Variants in PLPP3 observed in about 807,000 individuals in gnomAD.
PLPP3 encodes PAP2 beta.
Under a neutral mutation model 29.6 loss-of-function variants are expected in PLPP3, and 6 were observed. The observed-to-expected ratio is 0.20, with a 90% CI of 0.11 to 0.40. The LOEUF is 0.40. Among genes scored for constraint, PLPP3 ranks in the 10% least tolerant of loss-of-function variants. PLPP3 has a pLI of 1.00. For synonymous variants in PLPP3, 152 were observed against 159.7 expected, an observed-to-expected ratio of 0.95 and a Z score of 0.36; for missense variants, 308 against 407.7, an observed-to-expected ratio of 0.76 and a Z score of 2.11.
chr1:56,501,123 C>G (rs953771435), intron 5 of PLPP3, among the ~76,000 whole-genome samples: 6 of 151,282 alleles, frequency 4.0e-5, no homozygotes, highest in African/African-American at 1.2e-4. Context: ...AGGATGAGTC[C>G]TGAACAACAC....
chr1:56,549,449 C>T lies in PLPP3; in HGVS notation c.140-12337G>A, dbSNP rs4912377. Among the ~76,000 whole-genome samples the T allele has an allele frequency of 3.9e-5, 6 of 152,088 alleles. No individual in the cohort carries two copies. In the South Asian group the frequency reaches 8.3e-4, roughly 21 times the overall value. ...TGCCACCAACTACCAGTTTGATCAC[C>T]GGATCACACTTCCTCATCTGCTCTC... On this transcript the variant is annotated intron_variant, in intron 1 of 5. Coordinates refer to ENST00000371250, the MANE Select transcript of PLPP3 (RefSeq NM_003713.5).
chr1:56,496,433 TAAAAATCAGTCGGGC>T lies in PLPP3; in HGVS notation c.*103_*117del. The T allele has an allele frequency of 7.6e-7, 1 of 1,322,566 alleles. No individual in the cohort carries two copies. 81.9% of individuals were successfully genotyped at this position (1,322,566 alleles called of 1,614,324 possible). A position where few individuals can be genotyped will look rare whatever the true frequency, so the allele number is the denominator to read the frequency against. ...AGTAAAACATTTTTTTTTTCCTTTT[TAAAAATCAGTCGGGC>T]AAAAGTTTTTCCCTACATTCTACTG... On this transcript the variant is annotated 3_prime_UTR_variant, in exon 6 of 6. Transcript: ENST00000371250.
At chr1:56,571,493 T>C (rs1020074188) in intron 1 of PLPP3, among the ~76,000 whole-genome samples, 17 of 152,214 alleles carry the variant, frequency 1.1e-4, no homozygotes, top group Non-Finnish European at 2.1e-4. Context: ...AAAAGGCCTA[T>C]TTTTCTAACT....
At chr1:56,578,559 A>G (rs1646253239) in intron 1 of PLPP3, among the ~76,000 whole-genome samples, 1 of 152,176 alleles carries the variant, frequency 6.6e-6, no homozygotes, top group African/African-American at 2.4e-5. Context: ...CCCTACGCTA[A>G]AAGGACGAAC....
At chr1:56,498,045 G>T (rs1240206068) in intron 5 of PLPP3, among the ~76,000 whole-genome samples, 1 of 150,372 alleles carries the variant, frequency 6.7e-6, no homozygotes, top group African/African-American at 2.5e-5. Flanking sequence ...TTATTTTGTT[G>T]TTAAAAAAAA....
At chr1:56,501,540 T>C (rs969344049) in intron 5 of PLPP3, among the ~76,000 whole-genome samples, 1 of 152,116 alleles carries the variant, frequency 6.6e-6, no homozygotes, top group Non-Finnish European at 1.5e-5. Flanking sequence ...CTGGTAACCA[T>C]CAATCTACTT....
At chr1:56,511,700 C>A (rs914692781) in intron 5 of PLPP3, among the ~76,000 whole-genome samples, 2 of 151,992 alleles carry the variant, frequency 1.3e-5, no homozygotes, top group Non-Finnish European at 2.9e-5. Context: ...TATCTCAGCT[C>A]TCTTCCAATT....
At chr1:56,530,399 T>C (rs1312220922) in intron 2 of PLPP3, among the ~76,000 whole-genome samples, 1 of 152,204 alleles carries the variant, frequency 6.6e-6, no homozygotes, top group Non-Finnish European at 1.5e-5. Context: ...AATTCCAATC[T>C]TCTGCTAACT....
intron 1 of PLPP3, among the ~76,000 whole-genome samples, chr1:56,554,054 T>TC (rs1412464969): frequency 6.8e-6 from 1 of 147,700 alleles, no homozygotes; most frequent in Admixed American, 6.8e-5. Context: ...CTTTGGCTTT[T>TC]CCCCCCCACT....
chr1:56,523,395 T>C (rs111683413), intron 4 of PLPP3, among the ~76,000 whole-genome samples: 14 of 152,168 alleles, frequency 9.2e-5, no homozygotes, highest in Admixed American at 5.2e-4. Flanking sequence ...TTTCCCACCA[T>C]AGATTTTCAG....
intron 4 of PLPP3, among the ~76,000 whole-genome samples, chr1:56,521,145 G>A (rs1247310543): frequency 6.7e-6 from 1 of 150,148 alleles, no homozygotes; most frequent in Non-Finnish European, 1.5e-5. Context: ...TGAGGTGGAA[G>A]GATCACCTGA....
At chr1:56,507,214 A>C (rs1403028807) in intron 5 of PLPP3, among the ~76,000 whole-genome samples, 1 of 152,220 alleles carries the variant, frequency 6.6e-6, no homozygotes, top group Non-Finnish European at 1.5e-5. Context: ...TGGAACCAGC[A>C]TTCTAGGGTT....
intron 5 of PLPP3, among the ~76,000 whole-genome samples, chr1:56,498,537 A>G (rs774192221): frequency 6.6e-6 from 1 of 152,168 alleles, no homozygotes; most frequent in Non-Finnish European, 1.5e-5. Flanking sequence ...AGAGGTACAG[A>G]CAACAATGTC....
At chr1:56,528,088 T>C (rs1645864078) in intron 2 of PLPP3, among the ~76,000 whole-genome samples, 1 of 152,174 alleles carries the variant, frequency 6.6e-6, no homozygotes, top group Non-Finnish European at 1.5e-5. Flanking sequence ...GCCTTCAATG[T>C]TGATCCCTTT....
At chr1:56,517,607 T>C (rs1645790234) in intron 4 of PLPP3, among the ~76,000 whole-genome samples, 2 of 152,256 alleles carry the variant, frequency 1.3e-5, no homozygotes, top group African/African-American at 4.8e-5. Flanking sequence ...AACCAAGAGA[T>C]ATGATGTACA....
chr1:56,514,798 G>A (rs991921286), intron 4 of PLPP3, among the ~76,000 whole-genome samples: 3 of 152,132 alleles, frequency 2.0e-5, no homozygotes, highest in African/African-American at 7.2e-5. Context: ...CACTCTCAGT[G>A]CTTTTCAAGA....
chr1:56,530,222 C>T (rs1645878485), intron 2 of PLPP3, among the ~76,000 whole-genome samples: 1 of 151,756 alleles, frequency 6.6e-6, no homozygotes, highest in South Asian at 2.1e-4. Context: ...CCACATCTGA[C>T]TTCTACCCAA....
intron 1 of PLPP3, among the ~76,000 whole-genome samples, chr1:56,562,289 G>C (rs922026768): frequency 1.3e-5 from 2 of 152,110 alleles, no homozygotes; most frequent in African/African-American, 4.8e-5. Flanking sequence ...CAAGGGGTCA[G>C]AAAGTCCTGT....
chr1:56,528,131 TGGCA>T (rs1318103640), intron 2 of PLPP3, among the ~76,000 whole-genome samples: 1 of 152,188 alleles, frequency 6.6e-6, no homozygotes, highest in Non-Finnish European at 1.5e-5. Flanking sequence ...CTGGGGGTGA[TGGCA>T]GGCTGCCAGG....
Sources: allele counts gnomAD v4.1 joint callset (sites outside exome capture counted in the v4.1 genomes callset), GRCh38; gene constraint gnomAD v4.1.1; transcripts MANE v1.5; gene names NCBI Gene and HGNC (gene_info 2026-07-23, HGNC 2026-07-21).